MYH11: variants seen among roughly 807,000 people sequenced by gnomAD.
The protein encoded by MYH11 is myosin heavy chain 11.
In MYH11, 80 loss-of-function variants were observed where a neutral mutation model predicts 246.6. The ratio of observed to expected loss-of-function variants is 0.32; its 90% CI spans 0.27 to 0.39. The LOEUF (loss-of-function observed/expected upper bound fraction) is 0.39, where lower values mean the gene tolerates loss of function less well. MYH11 is among the 10% of genes least tolerant of loss of function. MYH11 has a pLI of 1.00. For missense variants in MYH11, 2,158 were observed against 2,546.8 expected, an observed-to-expected ratio of 0.85 and a Z score of 3.29; for synonymous variants, 1,071 against 1,015.5, an observed-to-expected ratio of 1.05 and a Z score of -1.04.
intron 28 of MYH11, chr16:15,726,625 C>T (rs777383561): frequency 1.2e-4 from 76 of 614,716 alleles, no homozygotes; most frequent in Non-Finnish European, 2.0e-4. Context: ...ACCTCTGTCT[C>T]CCAAAGTGCT....
In MYH11 at chr16:15,737,618, G is replaced by A. The variant is rs774490005; in HGVS notation, c.3124C>T (p.Arg1042Trp). The change falls in exon 25 of 41, where the codon CGG (arginine) becomes TGG (tryptophan). Residue 1042 changes from arginine (R) to tryptophan (W), a missense_variant and splice_region_variant. Physicochemically the swap from Arg to Trp is moderately radical, Grantham distance 101. Transcript: ENST00000300036. ...HESMISELEV[R>W]LKKEEKSRQE... The stretch of plus-strand genomic sequence containing the variant: ...CGGCTCTTCTCTTCCTTCTTTAGCC[G>A]CACTGCAAAAACCAAGGTGCTCTTC... 1.7e-5 allele frequency: 28 copies of A among 1,611,732 alleles called. No individual in the cohort carries two copies. Among genetic ancestry groups the A allele is most frequent in the Middle Eastern group, 1.6e-4 (1 of 6,084 alleles).
At chr16:15,798,756 C>G in intron 3 of MYH11, 69 bp from the exon 4 acceptor site, 2 of 1,517,096 alleles carry the variant, frequency 1.3e-6, no homozygotes, top group Non-Finnish European at 1.8e-6. Context: ...CTGGACTTGG[C>G]TCCTCCCAGG....
intron 27 of MYH11, chr16:15,732,336 G>A (rs1363037144): frequency 1.6e-6 from 1 of 625,972 alleles, no homozygotes; most frequent in Non-Finnish European, 2.8e-6. Context: ...CTGAGCTCAA[G>A]CGATCCTCCC....
intron 32 of MYH11, 126 bp from the exon 33 acceptor site, chr16:15,721,177 C>T (rs1485837030): frequency 6.3e-6 from 7 of 1,115,470 alleles, no homozygotes; most frequent in Admixed American, 2.0e-5. Context: ...GATGCATGGC[C>T]GGGACTCAAG....
intron 3 of MYH11, among the ~76,000 whole-genome samples, chr16:15,822,233 T>G (rs74009445): frequency 1.6e-3 from 240 of 152,354 alleles, no homozygotes; most frequent in African/African-American, 5.0e-3. Flanking sequence ...GATCCCTGGG[T>G]TCCCACCTGT....
intron 40 of MYH11, among the ~76,000 whole-genome samples, chr16:15,707,235 C>T (rs1184908240): frequency 1.3e-5 from 2 of 152,160 alleles, no homozygotes; most frequent in Non-Finnish European, 2.9e-5. Flanking sequence ...CGGGGTTTTA[C>T]CATGTTGGCC....
intron 40 of MYH11, among the ~76,000 whole-genome samples, chr16:15,707,672 T>A (rs1284020305): frequency 6.6e-6 from 1 of 152,178 alleles, no homozygotes; most frequent in Admixed American, 6.5e-5. Context: ...TGAAGTCAGA[T>A]CCACATGGCC....
intron 40 of MYH11, chr16:15,714,452 C>T (rs951101127): frequency 9.8e-6 from 2 of 203,472 alleles, no homozygotes; most frequent in South Asian, 9.7e-5. Context: ...TGGGGAATGT[C>T]GGACAGCCCC....
chr16:15,837,143 G>A (rs1016808822), intron 2 of MYH11, among the ~76,000 whole-genome samples: 2 of 152,076 alleles, frequency 1.3e-5, no homozygotes, highest in African/African-American at 4.8e-5. Flanking sequence ...ATAGTCCTAC[G>A]ACCAACCTGA....
intron 28 of MYH11, 79 bp downstream of exon 28, chr16:15,726,769 C>T (rs2040783050): frequency 3.2e-6 from 5 of 1,546,218 alleles, no homozygotes; most frequent in African/African-American, 1.4e-5. Flanking sequence ...GAGACCTCAG[C>T]GAGCCGGGAA....
At chr16:15,740,610 C>CA (rs576634565) in intron 22 of MYH11, among the ~76,000 whole-genome samples, 2,983 of 110,364 alleles carry the variant, frequency 0.027, 87 homozygotes, top group East Asian at 0.2. Flanking sequence ...GACTCTGTCT[C>CA]AAAAAAAAAA....
At chr16:15,808,825 C>A (rs370477919) in intron 3 of MYH11, among the ~76,000 whole-genome samples, 1 of 152,034 alleles carries the variant, frequency 6.6e-6, no homozygotes, top group Non-Finnish European at 1.5e-5. Flanking sequence ...CCTAGGAGTT[C>A]GAGGTTACAG....
chr16:15,719,177 C>G (rs767000748), intron 36 of MYH11, 43 bp downstream of exon 36: 1 of 1,576,822 alleles, frequency 6.3e-7, no homozygotes, highest in Non-Finnish European at 8.7e-7. Flanking sequence ...CCTGTCCCCC[C>G]ATCCTCTGCT....
At chr16:15,822,864 G>T (rs2043450187) in intron 3 of MYH11, among the ~76,000 whole-genome samples, 3 of 152,360 alleles carry the variant, frequency 2.0e-5, no homozygotes, top group Admixed American at 2.0e-4. Flanking sequence ...AGGAAACTGA[G>T]GCTGAAGAGG....
intron 40 of MYH11, among the ~76,000 whole-genome samples, chr16:15,712,068 TAAG>T (rs1040204132): frequency 4.6e-5 from 7 of 152,188 alleles, no homozygotes; most frequent in African/African-American, 1.7e-4. Context: ...ACCAAAACGT[TAAG>T]AAGGACCACG....
chr16:15,717,095 C>T, intron 38 of MYH11, 45 bp downstream of exon 38: 1 of 1,596,664 alleles, frequency 6.3e-7, no homozygotes, highest in East Asian at 2.2e-5. Context: ...TCCTGCTGTC[C>T]ATCACCCCCC....
chr16:15,750,088 G>T lies in MYH11; in HGVS notation c.2058+50C>A, dbSNP rs1416037534. On this transcript the variant is annotated intron_variant, in intron 16 of 40. Transcript: ENST00000300036. The surrounding 1 kb of genome is among the most constrained non-coding windows in gnomAD (Gnocchi z 4.3). The stretch of plus-strand genomic sequence containing the variant: ...CGCCCTGGGGACGCTGTGACCGCTT[G>T]GGACAGCCCTGGCTTCTGGGAGCCC... 2.4e-5 allele frequency: 39 copies of T among 1,608,750 alleles called. No individual in the cohort carries two copies. The highest frequency in any genetic ancestry group is 3.3e-5 in the Non-Finnish European group (39 of 1,176,392).
intron 3 of MYH11, among the ~76,000 whole-genome samples, chr16:15,803,122 G>A (rs987003242): frequency 2.6e-5 from 4 of 151,542 alleles, no homozygotes; most frequent in African/African-American, 9.7e-5. Flanking sequence ...GGGCAACAGA[G>A]CAAGACCCCA....
intron 40 of MYH11, chr16:15,712,846 GT>G (rs1479148939): frequency 6.8e-6 from 1 of 146,826 alleles, no homozygotes; most frequent in Non-Finnish European, 1.5e-5. Context: ...AGAGTGATGG[GT>G]GGGGGCGAGG....
Sources: allele counts gnomAD v4.1 joint callset (sites outside exome capture counted in the v4.1 genomes callset), GRCh38; gene constraint gnomAD v4.1.1; non-coding constraint Gnocchi (gnomAD v3.1); transcripts MANE v1.5; gene names NCBI Gene and HGNC (gene_info 2026-07-23, HGNC 2026-07-21).